LCOR: variants seen among roughly 807,000 people sequenced by gnomAD.
LCOR encodes ligand-dependent corepressor.
A neutral mutation model predicts 64.4 loss-of-function variants in LCOR; 14 were observed. That is an observed-to-expected ratio of 0.22 (90% CI 0.14 to 0.34). The LOEUF is 0.34. LCOR is among the 10% of genes least tolerant of loss of function. LCOR has a pLI of 1.00. For synonymous variants in LCOR, 643 were observed against 642.5 expected (o/e 1.00, Z -0.01); for missense variants, 1,686 against 1,765.3 (o/e 0.96, Z 0.80).
intron 4 of LCOR, among the ~76,000 whole-genome samples, chr10:96,910,962 C>T (rs1846820810): frequency 6.6e-6 from 1 of 152,132 alleles, no homozygotes; most frequent in African/African-American, 2.4e-5. Flanking sequence ...AACAGGGATT[C>T]ACCTAGAGAT....
chr10:96,885,823 T>C (rs1044258870), intron 2 of LCOR, among the ~76,000 whole-genome samples: 16 of 152,072 alleles, frequency 1.1e-4, no homozygotes, highest in Admixed American at 1.3e-4. Flanking sequence ...TACTTTAGAT[T>C]TGATTTTATA....
At chr10:96,926,519 T>G (rs983721156) in intron 4 of LCOR, among the ~76,000 whole-genome samples, 17 of 152,176 alleles carry the variant, frequency 1.1e-4, no homozygotes, top group Non-Finnish European at 1.8e-4. Flanking sequence ...ATATATTCAG[T>G]ATCTTTAATA....
rs963459544 is a variant in LCOR, at chr10:96,833,402, C to T, written c.-403-4C>T. 9 of 985,866 alleles carry T rather than the reference C, an allele frequency of 9.1e-6. 1 individual carries two copies. Among genetic ancestry groups the T allele is most frequent in the Non-Finnish European group, 1.1e-5 (9 of 829,984 alleles). The allele number at this position is 985,866 out of a possible 1,614,324, so 61.1% of individuals were successfully genotyped here. A position where few individuals can be genotyped will look rare whatever the true frequency, so the allele number is the denominator to read the frequency against. On this transcript the variant is annotated splice_region_variant and splice_polypyrimidine_tract_variant and intron_variant, in intron 1 of 7. Coordinates refer to ENST00000421806, the MANE Select transcript of LCOR (RefSeq NM_001346516.2). Reference sequence around the variant, plus strand: ...GTGTGTTTTGTCTGTTTTTCTCTCCCAAGGTCCCGTTTCCCTCTGTGCGGC... The same window carrying T: ...GTGTGTTTTGTCTGTTTTTCTCTCCTAAGGTCCCGTTTCCCTCTGTGCGGC...
At chr10:96,950,727 A>T (rs1290453527) in intron 6 of LCOR, among the ~76,000 whole-genome samples, 1 of 152,098 alleles carries the variant, frequency 6.6e-6, no homozygotes. Context: ...TATTTCCTTA[A>T]TGAATGTGTT....
At chr10:96,872,534 A>G (rs1251401419) in intron 2 of LCOR, among the ~76,000 whole-genome samples, 1 of 152,112 alleles carries the variant, frequency 6.6e-6, no homozygotes, top group East Asian at 1.9e-4. Context: ...CTCTACAAAA[A>G]ATCAGCTGGG....
Position 96,986,820 on chromosome 10 carries a change from T to C in LCOR, c.*1686T>C, listed in dbSNP as rs1848153539. On this transcript the variant is annotated 3_prime_UTR_variant, in exon 8 of 8. Transcript: ENST00000421806. ...GTCCTTTTTATTTGAAAATTTTCCA[T>C]TTAGGTTGTTTCAGATCTCTTTAGA... The C allele has an allele frequency of 6.6e-6, 1 of 152,218 alleles. No individual in the cohort carries two copies. Among genetic ancestry groups the C allele is most frequent in the Non-Finnish European group, 1.5e-5 (1 of 68,034 alleles). 9.4% of individuals were successfully genotyped at this position (152,218 alleles called of 1,614,324 possible).
At chr10:96,916,117 C>T (rs772692050) in intron 4 of LCOR, among the ~76,000 whole-genome samples, 23 of 152,024 alleles carry the variant, frequency 1.5e-4, no homozygotes, top group African/African-American at 4.8e-4. Flanking sequence ...CTGCAAGCTC[C>T]GCCTCCCGGG....
intron 5 of LCOR, among the ~76,000 whole-genome samples, chr10:96,946,965 T>A (rs1168441585): frequency 6.6e-6 from 1 of 152,100 alleles, no homozygotes; most frequent in East Asian, 1.9e-4. Flanking sequence ...GGTGGAAAGG[T>A]AAACTAATGT....
chr10:96,923,557 T>C (rs1168358049), intron 4 of LCOR, among the ~76,000 whole-genome samples: 2 of 152,178 alleles, frequency 1.3e-5, no homozygotes, highest in African/African-American at 2.4e-5. Flanking sequence ...TCCTCCTCCT[T>C]TAATCTTATC....
At chr10:96,926,133 C>T (rs916598397) in intron 4 of LCOR, among the ~76,000 whole-genome samples, 1 of 152,104 alleles carries the variant, frequency 6.6e-6, no homozygotes, top group Admixed American at 6.5e-5. Context: ...AGATCTGGTT[C>T]CTTTGGTGAG....
At chr10:96,957,935 T>C in intron 7 of LCOR, 1 of 986,676 alleles carries the variant, frequency 1.0e-6, no homozygotes, top group Middle Eastern at 5.2e-4. Flanking sequence ...TTTATGATTC[T>C]ACAATATTTT....
Position 96,842,613 on chromosome 10 carries a change from C to CT in LCOR, c.-330+9142dup, listed in dbSNP as rs985486777. Among the ~76,000 whole-genome samples the CT allele has an allele frequency of 4.7e-5, 7 of 149,216 alleles. No homozygotes were observed. The East Asian group carries it at 7.8e-4, about 17-fold the overall frequency. ...ATACAAAAATTTTCTAAAAAGCTTG[C>CT]TTTTTTTTCTTTTCTTTTCTTTTTT... On this transcript the variant is annotated intron_variant, in intron 2 of 7. Transcript: ENST00000421806.
intron 7 of LCOR, among the ~76,000 whole-genome samples, chr10:96,970,106 A>G (rs1847986037): frequency 6.7e-6 from 1 of 150,056 alleles, no homozygotes; most frequent in East Asian, 2.1e-4. Flanking sequence ...CAACTATTAA[A>G]TTGACTTGAG....
rs1250492679 is a variant in LCOR, at chr10:96,980,830, A to T, written c.370A>T (p.Asn124Tyr). ...AGAGGCAAAAGCAGTAGATTCTAAC[A>T]ATCAGTCGAAGTCCCCACTGGAGAA... ...STEAKAVDSNNQSKSPLEKFM... is the reference protein window; with the variant it reads ...STEAKAVDSNYQSKSPLEKFM... Residue 124 changes from asparagine (N) to tyrosine (Y), a missense_variant, in exon 8 of 8, where the codon AAT becomes TAT. This residue lies in a region of LCOR where 313 missense variants were observed against 247.2 expected (regional missense o/e 1.27). Transcript: ENST00000421806. 7.1e-6 allele frequency: 5 copies of T among 702,964 alleles called. No individual in the cohort carries two copies. The South Asian group carries it at 7.4e-5, about 10-fold the overall frequency. The allele number at this position is 702,964 out of a possible 1,614,324, so 43.5% of individuals were successfully genotyped here. A position where few individuals can be genotyped will look rare whatever the true frequency, so the allele number is the denominator to read the frequency against.
chr10:96,938,882 A>G (rs1847398700), intron 4 of LCOR, among the ~76,000 whole-genome samples: 1 of 152,238 alleles, frequency 6.6e-6, no homozygotes. Flanking sequence ...ATTACATGGA[A>G]AGACATGTTC....
chr10:96,903,752 G>A (rs753354419), intron 2 of LCOR, among the ~76,000 whole-genome samples: 1 of 152,126 alleles, frequency 6.6e-6, no homozygotes, highest in Non-Finnish European at 1.5e-5. Flanking sequence ...GGGGAAATTT[G>A]TGGGAGATTT....
chr10:96,955,578 A>G, intron 7 of LCOR: 3 of 1,614,140 alleles, frequency 1.9e-6, no homozygotes, highest in Non-Finnish European at 2.5e-6. Flanking sequence ...TGAGCAGTCT[A>G]CCTCTGGACA....
At chr10:96,965,245 G>T (rs971184227) in intron 7 of LCOR, among the ~76,000 whole-genome samples, 1 of 151,412 alleles carries the variant, frequency 6.6e-6, no homozygotes, top group Non-Finnish European at 1.5e-5. Context: ...GCCTGACCTC[G>T]TGATACACCT....
intron 2 of LCOR, among the ~76,000 whole-genome samples, chr10:96,874,163 CT>C (rs958935354): frequency 1.3e-5 from 2 of 152,120 alleles, no homozygotes; most frequent in Non-Finnish European, 2.9e-5. Flanking sequence ...TATTTTGTAG[CT>C]TTAGTAGAGA....
Sources: allele counts gnomAD v4.1 joint callset (sites outside exome capture counted in the v4.1 genomes callset), GRCh38; gene constraint gnomAD v4.1.1; regional missense constraint gnomAD v4.1.1; transcripts MANE v1.5; gene names NCBI Gene and HGNC (gene_info 2026-07-23, HGNC 2026-07-21).